Variants in DPY19L3 observed in about 807,000 individuals in gnomAD.
DPY19L3 encodes dpy-19 like C-mannosyltransferase 3.
A neutral mutation model predicts 92.3 loss-of-function variants in DPY19L3; 51 were observed. That is an observed-to-expected ratio of 0.55 (90% CI 0.44 to 0.70). The LOEUF is 0.70. DPY19L3 is among the 30% of genes least tolerant of loss of function. The pLI is 0.00. For synonymous variants in DPY19L3, 309 were observed against 315.2 expected, an observed-to-expected ratio of 0.98 and a Z score of 0.21; for missense variants, 706 against 855.9, an observed-to-expected ratio of 0.82 and a Z score of 2.18.
In DPY19L3 at chr19:32,466,467, G is replaced by A. The variant is rs140905912; in HGVS notation, c.1614+1683G>A. Among the ~76,000 whole-genome samples, 458 of 152,324 alleles carry A rather than the reference G, an allele frequency of 3.0e-3. 5 individuals are homozygous for A. Among genetic ancestry groups the A allele is most frequent in the Non-Finnish European group, 4.3e-3 (293 of 68,030 alleles). On this transcript the variant is annotated intron_variant, in intron 15 of 18. Coordinates refer to ENST00000392250, the MANE Select transcript of DPY19L3 (RefSeq NM_001172774.2). ...GAATTCTTTGCCGCTGGGGGCGGGG[G>A]CGGTCCTGTGTGCTGTAGGCTGCTC...
At chr19:32,469,316 A>G (rs1385689142) in intron 16 of DPY19L3, among the ~76,000 whole-genome samples, 3 of 152,054 alleles carry the variant, frequency 2.0e-5, no homozygotes, top group Middle Eastern at 3.4e-3. Flanking sequence ...GGCCAACATG[A>G]TGAAACCCCG....
At chr19:32,442,733 C>T (rs752884648) in intron 8 of DPY19L3, among the ~76,000 whole-genome samples, 2 of 152,160 alleles carry the variant, frequency 1.3e-5, no homozygotes, top group Non-Finnish European at 2.9e-5. Context: ...CCTAACAAGA[C>T]AGAAAACTTT....
chr19:32,468,602 A>T, intron 15 of DPY19L3, 129 bp from the exon 16 acceptor site: 1 of 1,385,388 alleles, frequency 7.2e-7, no homozygotes, highest in East Asian at 2.7e-5. Context: ...AAATAGTTGT[A>T]TATTCCAGTA....
In DPY19L3 at chr19:32,482,438, A is replaced by G. The variant is rs755580596; in HGVS notation, c.*198A>G. 158 of 585,992 alleles carry G rather than the reference A, an allele frequency of 2.7e-4. No homozygotes were observed. Among genetic ancestry groups the G allele is most frequent in the Non-Finnish European group, 4.0e-4 (139 of 343,432 alleles). The allele number at this position is 585,992 out of a possible 1,614,324, so 36.3% of individuals were successfully genotyped here. A position where few individuals can be genotyped will look rare whatever the true frequency, so the allele number is the denominator to read the frequency against. ...CAGAAGTCTTTTTCGTTGTGTGTCT[A>G]TCTTTCTCATTAATGTTCTTTAGCC... On this transcript the variant is annotated 3_prime_UTR_variant, in exon 19 of 19. Coordinates refer to ENST00000392250, the MANE Select transcript of DPY19L3 (RefSeq NM_001172774.2).
intron 12 of DPY19L3, among the ~76,000 whole-genome samples, chr19:32,463,140 T>A (rs1485211168): frequency 2.6e-5 from 4 of 152,202 alleles, no homozygotes; most frequent in Non-Finnish European, 5.9e-5. Context: ...AATTTTTACT[T>A]CAAAGCTGCT....
Position 32,484,465 on chromosome 19 carries a change from C to T in DPY19L3, c.*2225C>T, listed in dbSNP as rs1376599994. Reference sequence around the variant, plus strand: ...CCCGCGGCAGCAGCTCCCCGCCACTCAGACCTGGGTGGTGATAACCTCAAA... The same window carrying T: ...CCCGCGGCAGCAGCTCCCCGCCACTTAGACCTGGGTGGTGATAACCTCAAA... On this transcript the variant is annotated 3_prime_UTR_variant, in exon 19 of 19. Transcript: ENST00000392250. 6.6e-6 allele frequency: 1 copy of T among 152,242 alleles called. No individual in the cohort carries two copies. The highest frequency in any genetic ancestry group is 1.9e-4 in the East Asian group (1 of 5,194). The allele number at this position is 152,242 out of a possible 1,614,324, so 9.4% of individuals were successfully genotyped here.
chr19:32,467,702 G>T (rs1230146152), intron 15 of DPY19L3: 1 of 987,374 alleles, frequency 1.0e-6, no homozygotes, highest in Non-Finnish European at 1.2e-6. Flanking sequence ...TACATACATT[G>T]TCATTGGTCT....
rs953485346 is a variant in DPY19L3 at position 32,467,129 on chromosome 19, T to C, written c.1615-1602T>C. Among the ~76,000 whole-genome samples, 5 of 152,352 alleles carry C rather than the reference T, an allele frequency of 3.3e-5. No homozygotes were observed. The South Asian group carries it at 1.0e-3, about 32-fold the overall frequency. ...CAAGACTTTAGTAAAATTAGGACGTTGGTCTTGATTAACTTAATTGGATTG... is the reference window on the plus strand; with the variant it reads ...CAAGACTTTAGTAAAATTAGGACGTCGGTCTTGATTAACTTAATTGGATTG... On this transcript the variant is annotated intron_variant, in intron 15 of 18. Transcript: ENST00000392250.
chr19:32,419,751 C>T (rs909709658), intron 3 of DPY19L3, among the ~76,000 whole-genome samples: 1 of 152,090 alleles, frequency 6.6e-6, no homozygotes, highest in Non-Finnish European at 1.5e-5. Flanking sequence ...TCTGTTTAAG[C>T]TGCCTATCTT....
intron 8 of DPY19L3, among the ~76,000 whole-genome samples, chr19:32,450,296 G>T (rs912548593): frequency 1.9e-4 from 29 of 152,134 alleles, no homozygotes; most frequent in African/African-American, 7.0e-4. Flanking sequence ...TTATAAGATG[G>T]TGTAGTCACT....
In DPY19L3 at chr19:32,477,563, A is replaced by G; in HGVS notation, c.1739A>G (p.Gln580Arg). ...PRKAVFAGSM[Q>R]LLAGVKLCTG... is the part of the protein sequence containing the mutation. ...AAGGCTGTGTTTGCGGGAAGCATGC[A>G]GTTGCTGGCCGGAGTCAAGCTGTGC... Residue 580 changes from glutamine (Q) to arginine (R), a missense_variant, in exon 17 of 19, where the codon CAG becomes CGG. Coordinates refer to ENST00000392250, the MANE Select transcript of DPY19L3 (RefSeq NM_001172774.2). 4 of 1,614,190 alleles carry G rather than the reference A, an allele frequency of 2.5e-6. No individual in the cohort carries two copies. Among genetic ancestry groups the G allele is most frequent in the Non-Finnish European group, 3.4e-6 (4 of 1,180,048 alleles).
At chr19:32,457,782 G>A (rs2145577119) in intron 10 of DPY19L3, among the ~76,000 whole-genome samples, 1 of 152,280 alleles carries the variant, frequency 6.6e-6, no homozygotes, top group Non-Finnish European at 1.5e-5. Flanking sequence ...GAAAACTTAT[G>A]CACACTATGC....
chr19:32,449,460 G>C (rs1309821796), intron 8 of DPY19L3, among the ~76,000 whole-genome samples: 1 of 152,032 alleles, frequency 6.6e-6, no homozygotes, highest in Admixed American at 6.6e-5. Flanking sequence ...ACTCAGAATA[G>C]CTACAACAAT....
At chr19:32,470,658 G>A (rs1599670811) in intron 16 of DPY19L3, among the ~76,000 whole-genome samples, 1 of 152,104 alleles carries the variant, frequency 6.6e-6, no homozygotes, top group African/African-American at 2.4e-5. Context: ...GATTCCAGGT[G>A]TAAAGAAGAG....
intron 3 of DPY19L3, among the ~76,000 whole-genome samples, chr19:32,428,257 C>T (rs1968835681): frequency 6.6e-6 from 1 of 152,110 alleles, no homozygotes. Context: ...CAGGTGTGAG[C>T]CACCGCGCCT....
At chr19:32,449,759 A>C (rs1969636849) in intron 8 of DPY19L3, among the ~76,000 whole-genome samples, 2 of 152,228 alleles carry the variant, frequency 1.3e-5, no homozygotes, top group Admixed American at 6.5e-5. Flanking sequence ...CACTGTACAC[A>C]CTAACTCAAA....
chr19:32,468,414 A>G, intron 15 of DPY19L3: 1 of 1,031,512 alleles, frequency 9.7e-7, no homozygotes, highest in Non-Finnish European at 1.2e-6. Context: ...TGTCATGTCA[A>G]AATAATGTTT....
At chr19:32,462,195 T>A (rs10403559) in intron 12 of DPY19L3, among the ~76,000 whole-genome samples, 46,140 of 151,892 alleles carry the variant, frequency 0.3, 8,002 homozygotes, top group African/African-American at 0.46. Context: ...ACAGGGACAT[T>A]TAAATGTATC....
chr19:32,458,368 T>C lies in DPY19L3; in HGVS notation c.1181T>C (p.Leu394Pro). ...LGATRDFDAN[L>P]YLCEEAFGLL... ...TTCCCTAGGGATTTTGATGCAAATCTCTATCTGTGTGAAGAAGCTTTTGGC... is the reference window on the plus strand; with the variant it reads ...TTCCCTAGGGATTTTGATGCAAATCCCTATCTGTGTGAAGAAGCTTTTGGC... Residue 394 changes from leucine to proline, a missense_variant, in exon 12 of 19, where the codon CTC becomes CCC. By Grantham distance (98) the Leu-to-Pro change is moderately conservative. Transcript: ENST00000392250. 6.2e-7 allele frequency: 1 copy of C among 1,612,006 alleles called. No homozygotes were observed. Among genetic ancestry groups the C allele is most frequent in the Non-Finnish European group, 8.5e-7 (1 of 1,179,586 alleles).
Sources: gnomAD v4.1 joint callset for allele counts (sites outside exome capture counted in the v4.1 genomes callset) on GRCh38, gnomAD v4.1.1 for gene constraint, MANE v1.5 for transcripts, NCBI Gene and HGNC (gene_info 2026-07-23, HGNC 2026-07-21) for gene names.